MGMT: variants seen among roughly 807,000 people sequenced by gnomAD.
MGMT encodes methylated-DNA--protein-cysteine methyltransferase.
Under a neutral mutation model 15.9 loss-of-function variants are expected in MGMT, and 14 were observed. The ratio of observed to expected loss-of-function variants is 0.88; its 90% CI spans 0.58 to 1.37. The LOEUF (loss-of-function observed/expected upper bound fraction) is 1.37, where lower values mean the gene tolerates loss of function less well. Ranked by LOEUF, MGMT falls within the 40% of genes most tolerant of loss-of-function variation. MGMT has a pLI of 0.00. For synonymous variants in MGMT, 130 were observed against 118.2 expected (o/e 1.10, Z -0.65); for missense variants, 282 against 268.1 (o/e 1.05, Z -0.36).
In MGMT at chr10:129,769,836, G is replaced by A. The variant is rs1488093220; in HGVS notation, c.*2839G>A. Among the ~76,000 whole-genome samples, 13 of 152,184 alleles carry A rather than the reference G, an allele frequency of 8.5e-5. No individual in the cohort carries two copies. Among genetic ancestry groups the A allele is most frequent in the Admixed American group, 8.5e-4 (13 of 15,274 alleles). On this transcript the variant is annotated 3_prime_UTR_variant, in exon 5 of 5. Coordinates refer to ENST00000651593, the MANE Select transcript of MGMT (RefSeq NM_002412.5). Reference sequence around the variant, plus strand: ...ATGACCGTGCAAACATGCATGTTATGGTGTTGGCTGATGCGGAATCAGGAA... The same window carrying A: ...ATGACCGTGCAAACATGCATGTTATAGTGTTGGCTGATGCGGAATCAGGAA...
intron 2 of MGMT, among the ~76,000 whole-genome samples, chr10:129,650,085 G>A (rs1380234124): frequency 6.6e-6 from 1 of 152,166 alleles, no homozygotes; most frequent in Non-Finnish European, 1.5e-5. Context: ...GAAACAAAAG[G>A]AAGGGCACTC....
intron 2 of MGMT, among the ~76,000 whole-genome samples, chr10:129,586,168 C>G (rs531701045): frequency 6.6e-6 from 1 of 152,080 alleles, no homozygotes; most frequent in Non-Finnish European, 1.5e-5. Flanking sequence ...TTTTGGACCA[C>G]GGTTGATCTC....
At chr10:129,700,916 A>G (rs1228156315) in intron 2 of MGMT, 1 of 152,180 alleles carries the variant, frequency 6.6e-6, no homozygotes, top group Non-Finnish European at 1.5e-5. Context: ...CAGCGTGGAT[A>G]ATCTTTGGCT....
At chr10:129,642,396 A>G (rs528505811) in intron 2 of MGMT, among the ~76,000 whole-genome samples, 82 of 152,256 alleles carry the variant, frequency 5.4e-4, no homozygotes, top group Non-Finnish European at 7.6e-4. Flanking sequence ...AATCTTTATA[A>G]CCAAGGAGAA....
chr10:129,596,288 A>G (rs1846750528), intron 2 of MGMT, among the ~76,000 whole-genome samples: 1 of 152,208 alleles, frequency 6.6e-6, no homozygotes. Flanking sequence ...ATATGTGGAA[A>G]GTCAGTTTCT....
chr10:129,543,455 C>T (rs1803882863), intron 2 of MGMT, among the ~76,000 whole-genome samples: 1 of 152,172 alleles, frequency 6.6e-6, no homozygotes, highest in Non-Finnish European at 1.5e-5. Context: ...AGCTGCCTCG[C>T]CACAGAAGAG....
In MGMT at chr10:129,747,505, T is replaced by TTG. The variant is rs201420841; in HGVS notation, c.275-11697_275-11696insTG. Among the ~76,000 whole-genome samples the TTG allele has an allele frequency of 4.1e-4, 62 of 152,350 alleles. 1 individual carries two copies. In the East Asian group the frequency reaches 0.011, roughly 27 times the overall value. ...GTTCGTTTTTAATAGCCTTTGTTTT[T>TTG]AGAATAGTTTCGGATTTACAGAAAA... On this transcript the variant is annotated intron_variant, in intron 3 of 4. Transcript: ENST00000651593.
intron 2 of MGMT, among the ~76,000 whole-genome samples, chr10:129,629,273 T>G (rs775345662): frequency 5.3e-5 from 8 of 152,264 alleles, no homozygotes; most frequent in Non-Finnish European, 1.2e-4. Flanking sequence ...CTGCATGATT[T>G]CAGATTACGG....
At chr10:129,734,321 G>A (rs1473791841) in intron 3 of MGMT, among the ~76,000 whole-genome samples, 336 of 117,392 alleles carry the variant, frequency 2.9e-3, no homozygotes, top group East Asian at 0.012. Context: ...TCTTTGAAGT[G>A]ATTGTGAATG....
At chr10:129,677,542 A>G (rs1036480927) in intron 2 of MGMT, among the ~76,000 whole-genome samples, 1 of 152,244 alleles carries the variant, frequency 6.6e-6, no homozygotes, top group Non-Finnish European at 1.5e-5. Context: ...GAAAAATCCC[A>G]TGTAACCTGG....
intron 1 of MGMT, among the ~76,000 whole-genome samples, chr10:129,479,784 G>C (rs1253958060): frequency 7.2e-6 from 1 of 137,976 alleles, no homozygotes; most frequent in South Asian, 2.5e-4. Flanking sequence ...TTGTGGAGGG[G>C]TTGGGGTGGG....
At chr10:129,646,754 A>ATATATTTTTTTTTTTTTTT in intron 2 of MGMT, among the ~76,000 whole-genome samples, 4 of 86,670 alleles carry the variant, frequency 4.6e-5, no homozygotes, top group African/African-American at 1.6e-4. Context: ...ATATATATAT[A>ATATATTTTTTTTTTTTTTT]TTTTCAGGGA....
chr10:129,665,258 G>A (rs116688962), intron 2 of MGMT, among the ~76,000 whole-genome samples: 1,548 of 95,106 alleles, frequency 0.016, 39 homozygotes, highest in African/African-American at 0.053. Context: ...CCCCACACCC[G>A]CTCACCCACC....
intron 2 of MGMT, among the ~76,000 whole-genome samples, chr10:129,555,229 C>T (rs1015738506): frequency 7.2e-5 from 11 of 152,314 alleles, no homozygotes; most frequent in African/African-American, 2.2e-4. Flanking sequence ...CGGGAGCCCT[C>T]GCACTCCCAG....
At chr10:129,653,970 C>G (rs1022631512) in intron 2 of MGMT, among the ~76,000 whole-genome samples, 11 of 152,056 alleles carry the variant, frequency 7.2e-5, no homozygotes, top group Non-Finnish European at 5.9e-5. Context: ...AACTTGGTGG[C>G]CCTCAGAGAC....
chr10:129,515,714 C>A (rs1480578941), intron 1 of MGMT, among the ~76,000 whole-genome samples: 4 of 152,122 alleles, frequency 2.6e-5, no homozygotes, highest in African/African-American at 9.7e-5. Context: ...AGTGGTATGA[C>A]CTCAAGGGAA....
intron 2 of MGMT, among the ~76,000 whole-genome samples, chr10:129,639,644 T>C (rs1564745013): frequency 6.6e-6 from 1 of 152,198 alleles, no homozygotes; most frequent in Non-Finnish European, 1.5e-5. Context: ...TAAATGAACA[T>C]GAAAGCACAA....
At chr10:129,686,572 C>CGTCA (rs3039558) in intron 2 of MGMT, among the ~76,000 whole-genome samples, 1 of 151,618 alleles carries the variant, frequency 6.6e-6, no homozygotes, top group East Asian at 1.9e-4. Context: ...ATGGGGTTTT[C>CGTCA]TGCTGCTCTC....
chr10:129,747,252 T>A (rs1310866113), intron 3 of MGMT, among the ~76,000 whole-genome samples: 1 of 152,186 alleles, frequency 6.6e-6, no homozygotes, highest in Non-Finnish European at 1.5e-5. Context: ...TTGTTTCTTC[T>A]TTTCTAAAAC....
Sources: gnomAD v4.1 joint callset for allele counts (sites outside exome capture counted in the v4.1 genomes callset) on GRCh38, gnomAD v4.1.1 for gene constraint, MANE v1.5 for transcripts, NCBI Gene and HGNC (gene_info 2026-07-23, HGNC 2026-07-21) for gene names.